Variants in SH3RF2 observed in about 807,000 individuals in gnomAD.
SH3RF2 encodes the protein SH3 domain containing ring finger 2, also known as E3 ubiquitin-protein ligase SH3RF2.
Under a neutral mutation model 59.0 loss-of-function variants are expected in SH3RF2, and 43 were observed. The observed-to-expected ratio is 0.73, with a 90% CI of 0.57 to 0.94. SH3RF2 has a LOEUF of 0.94. Ranked by LOEUF, SH3RF2 falls within the 40% of genes least tolerant of loss-of-function variation. SH3RF2 has a pLI of 0.00. For synonymous variants in SH3RF2, 391 were observed against 391.5 expected (o/e 1.00, Z 0.01); for missense variants, 930 against 940.1 (o/e 0.99, Z 0.14).
chr5:146,065,265 A>G (rs1323282919), downstream of SH3RF2, among the ~76,000 whole-genome samples: 1 of 152,222 alleles, frequency 6.6e-6, no homozygotes, highest in Non-Finnish European at 1.5e-5. Context: ...TCATTGAACT[A>G]AATATAATAA....
intron 9 of SH3RF2, among the ~76,000 whole-genome samples, chr5:146,074,773 CCTCT>C (rs35758284): frequency 8.4e-4 from 125 of 148,464 alleles, no homozygotes; most frequent in Non-Finnish European, 6.0e-4. Flanking sequence ...AGCCCTCTGC[CCTCT>C]CTCTCTCTCT....
chr5:146,067,940 C>T (rs1763143505), downstream of SH3RF2, among the ~76,000 whole-genome samples: 11 of 152,208 alleles, frequency 7.2e-5, no homozygotes, highest in Admixed American at 7.2e-4. Context: ...AATATCTTAA[C>T]TGTGACCCTG....
chr5:145,971,414 T>C (rs953981721), intron 2 of SH3RF2, among the ~76,000 whole-genome samples: 2 of 152,230 alleles, frequency 1.3e-5, no homozygotes, highest in Non-Finnish European at 2.9e-5. Flanking sequence ...TGGGGCTCCC[T>C]ACCTGTGGGC....
intron 2 of SH3RF2, among the ~76,000 whole-genome samples, chr5:145,956,357 C>A (rs569116106): frequency 1.1e-4 from 17 of 152,268 alleles, no homozygotes; most frequent in African/African-American, 4.1e-4. Context: ...CTCGCTGCAA[C>A]CTCCACCTCC....
At chr5:146,063,792 G>T (rs1210906258), downstream of SH3RF2, among the ~76,000 whole-genome samples, 1 of 152,056 alleles carries the variant, frequency 6.6e-6, no homozygotes, top group Non-Finnish European at 1.5e-5. Flanking sequence ...CCCGGGAGGC[G>T]GAGATTACAG....
chr5:145,979,990 C>T (rs1278950079), intron 2 of SH3RF2, among the ~76,000 whole-genome samples: 2 of 152,178 alleles, frequency 1.3e-5, no homozygotes, highest in Non-Finnish European at 2.9e-5. Flanking sequence ...GTGACAGAGA[C>T]ATTAGCCCAA....
chr5:146,062,269 C>A (rs561828053), intron 9 of SH3RF2, among the ~76,000 whole-genome samples, 157 bp from the exon 10 acceptor site: 2 of 152,306 alleles, frequency 1.3e-5, no homozygotes, highest in East Asian at 3.9e-4. Flanking sequence ...GCATTCTCAG[C>A]ATCTTGTACT....
chr5:146,046,107 G>A (rs544140416), intron 5 of SH3RF2, among the ~76,000 whole-genome samples: 124 of 152,240 alleles, frequency 8.1e-4, no homozygotes, highest in Admixed American at 2.7e-3. Flanking sequence ...ACAAAATTAC[G>A]TGGTGGGCAT....
intron 8 of SH3RF2, among the ~76,000 whole-genome samples, chr5:146,057,988 A>ATC (rs1561768549): frequency 7.0e-6 from 1 of 142,792 alleles, no homozygotes; most frequent in Non-Finnish European, 1.5e-5. Context: ...ATCTATCTAT[A>ATC]TATATATATT....
intron 9 of SH3RF2, among the ~76,000 whole-genome samples, chr5:146,073,685 G>A (rs1422478050): frequency 6.6e-6 from 1 of 152,018 alleles, no homozygotes; most frequent in Non-Finnish European, 1.5e-5. Context: ...TATCAACTGA[G>A]CATCTACTAT....
At chr5:146,080,502 A>G (rs1265125195) in exon 10 of SH3RF2, 1 of 152,220 alleles carries the variant, frequency 6.6e-6, no homozygotes, top group Non-Finnish European at 1.5e-5. Context: ...AACCTTCCAT[A>G]TATAAAACAT....
At chr5:146,067,117 C>T (rs1368124302), downstream of SH3RF2, among the ~76,000 whole-genome samples, 2 of 152,142 alleles carry the variant, frequency 1.3e-5, no homozygotes, top group African/African-American at 4.8e-5. Context: ...CTCCACCCTT[C>T]ACCCATCCCA....
intron 2 of SH3RF2, among the ~76,000 whole-genome samples, chr5:145,987,309 C>A (rs142545100): frequency 6.6e-6 from 1 of 152,132 alleles, no homozygotes; most frequent in Non-Finnish European, 1.5e-5. Context: ...GCAATATATA[C>A]TGCACCTTAT....
intron 2 of SH3RF2, among the ~76,000 whole-genome samples, chr5:145,948,822 G>A (rs1758088204): frequency 6.6e-6 from 1 of 152,172 alleles, no homozygotes; most frequent in Admixed American, 6.5e-5. Context: ...AGCCTCCACA[G>A]CATGTAACAG....
intron 5 of SH3RF2, among the ~76,000 whole-genome samples, chr5:146,046,570 A>T (rs1762311990): frequency 6.6e-6 from 1 of 152,152 alleles, no homozygotes; most frequent in Non-Finnish European, 1.5e-5. Flanking sequence ...TCCTTCACTC[A>T]TTCCTTTGTT....
chr5:145,948,713 C>T (rs1378526986), intron 2 of SH3RF2, among the ~76,000 whole-genome samples: 2 of 152,192 alleles, frequency 1.3e-5, no homozygotes, highest in African/African-American at 4.8e-5. Flanking sequence ...CCCTCAGGTA[C>T]CAGTGTAGCC....
intron 9 of SH3RF2, among the ~76,000 whole-genome samples, chr5:146,071,805 G>A (rs910026442): frequency 1.8e-4 from 27 of 152,236 alleles, no homozygotes; most frequent in African/African-American, 6.3e-4. Flanking sequence ...TTTGTAAAAT[G>A]AGGATCAGAC....
chr5:145,954,547 T>C (rs1215588636), intron 2 of SH3RF2, among the ~76,000 whole-genome samples: 1 of 152,264 alleles, frequency 6.6e-6, no homozygotes, highest in Admixed American at 6.5e-5. Flanking sequence ...GCAGAAGCTC[T>C]TAAGTTTAAT....
At chr5:146,015,380 A>T (rs1338698323) in intron 5 of SH3RF2, among the ~76,000 whole-genome samples, 2 of 152,102 alleles carry the variant, frequency 1.3e-5, no homozygotes, top group African/African-American at 2.4e-5. Flanking sequence ...AAACTATAAA[A>T]CTTTCTACAT....
Sources: allele counts gnomAD v4.1 joint callset (sites outside exome capture counted in the v4.1 genomes callset), GRCh38; gene constraint gnomAD v4.1.1; transcripts MANE v1.5; gene names NCBI Gene and HGNC (gene_info 2026-07-23, HGNC 2026-07-21).